ZDHHC13: variants seen among roughly 807,000 people sequenced by gnomAD.
ZDHHC13 encodes the protein palmitoyltransferase ZDHHC13.
Under a neutral mutation model 86.0 loss-of-function variants are expected in ZDHHC13, and 85 were observed. That is an observed-to-expected ratio of 0.99 (90% CI 0.83 to 1.18). ZDHHC13 has a LOEUF of 1.18. Ranked by LOEUF, ZDHHC13 falls within the 50% of genes most tolerant of loss-of-function variation. ZDHHC13 has a pLI of 0.00. For synonymous variants in ZDHHC13, 263 were observed against 246.4 expected (o/e 1.07, Z -0.63); for missense variants, 711 against 730.2 (o/e 0.97, Z 0.30).
chr11:19,173,231 T>A (rs990382284), intron 16 of ZDHHC13, among the ~76,000 whole-genome samples: 3 of 152,206 alleles, frequency 2.0e-5, no homozygotes, highest in Non-Finnish European at 4.4e-5. Flanking sequence ...TCAGCCTGGC[T>A]TTCTATCACC....
At chr11:19,170,204 A>G (rs1850180511) in intron 14 of ZDHHC13, 1 of 1,395,434 alleles carries the variant, frequency 7.2e-7, no homozygotes, top group Non-Finnish European at 9.2e-7. Flanking sequence ...ATACAGTGTT[A>G]TCATAGCCTC....
intron 1 of ZDHHC13, among the ~76,000 whole-genome samples, chr11:19,123,307 T>C (rs1257168269): frequency 1.3e-5 from 2 of 152,106 alleles, no homozygotes; most frequent in Admixed American, 1.3e-4. Flanking sequence ...TGAGTCAGTT[T>C]TCTGTGATGA....
chr11:19,150,583 ACATT>A, intron 5 of ZDHHC13, 140 bp from the exon 6 acceptor site: 1 of 649,984 alleles, frequency 1.5e-6, no homozygotes, highest in Non-Finnish European at 2.5e-6. Flanking sequence ...AGTGAGCAAA[ACATT>A]CTTTTTATCA....
intron 3 of ZDHHC13, 37 bp downstream of exon 3, chr11:19,146,340 A>G (rs1357374733): frequency 6.3e-7 from 1 of 1,588,912 alleles, no homozygotes; most frequent in African/African-American, 1.4e-5. Flanking sequence ...TGTATTTATA[A>G]TTTTAGACCT....
In ZDHHC13 at chr11:19,166,312, C is replaced by T. The variant is rs774077275; in HGVS notation, c.1401C>T (p.Asn467=). The change falls in exon 14 of 17, where the codon AAC becomes AAT. Residue 467 remains asparagine, a synonymous_variant. Transcript: ENST00000446113. Reference sequence around the variant, plus strand: ...TTCTTTTTTCTTGAGGTTTTGGCAACCATCACTATTACATATTCTTCTTGT... The same window carrying T: ...TTCTTTTTTCTTGAGGTTTTGGCAATCATCACTATTACATATTCTTCTTGT... ...LWTGRCIGFG[N]HHYYIFFLFF... is the part of the protein sequence containing the mutation. The T allele has an allele frequency of 1.9e-6, 3 of 1,608,804 alleles. No individual in the cohort carries two copies. Among genetic ancestry groups the T allele is most frequent in the Admixed American group, 1.7e-5 (1 of 59,386 alleles).
chr11:19,174,648 G>A (rs143725438), intron 16 of ZDHHC13, among the ~76,000 whole-genome samples: 307 of 152,366 alleles, frequency 2.0e-3, no homozygotes, highest in Non-Finnish European at 4.0e-3. Context: ...AATAGATAGT[G>A]GTACTTCCGA....
chr11:19,174,247 G>A (rs767943944), intron 16 of ZDHHC13, among the ~76,000 whole-genome samples: 6 of 152,184 alleles, frequency 3.9e-5, no homozygotes, highest in South Asian at 2.1e-4. Flanking sequence ...TCCGCAGAAC[G>A]GCATGCAAGT....
chr11:19,125,320 T>A (rs1848850187), intron 1 of ZDHHC13, among the ~76,000 whole-genome samples: 1 of 152,072 alleles, frequency 6.6e-6, no homozygotes, highest in South Asian at 2.1e-4. Flanking sequence ...ACAAAAGACT[T>A]GAACAGACAC....
intron 1 of ZDHHC13, among the ~76,000 whole-genome samples, chr11:19,132,356 C>T (rs1849020003): frequency 6.6e-6 from 1 of 152,166 alleles, no homozygotes; most frequent in Admixed American, 6.5e-5. Context: ...CCTCTGATAT[C>T]TCCACTGAAT....
chr11:19,145,730 C>T (rs1849445669), intron 2 of ZDHHC13, among the ~76,000 whole-genome samples: 2 of 152,152 alleles, frequency 1.3e-5, no homozygotes, highest in Admixed American at 6.5e-5. Flanking sequence ...TCATTTGTTC[C>T]TCTGCTATAC....
Position 19,126,342 on chromosome 11 carries a change from CTTTTT to C in ZDHHC13, c.27+9074_27+9078del, listed in dbSNP as rs10629803. ...CTTCTTCTTTTTTTCTTTTCTTTTTCTTTTTTTTTTTTGCAGTGGAGTCTTGCTCT... is the reference window on the plus strand; with the variant it reads ...CTTCTTCTTTTTTTCTTTTCTTTTTCTTTTTTTGCAGTGGAGTCTTGCTCT... On this transcript the variant is annotated intron_variant, in intron 1 of 16. Transcript: ENST00000446113. Among the ~76,000 whole-genome samples the C allele has an allele frequency of 5.9e-5, 8 of 135,588 alleles. No homozygotes were observed. In the East Asian group the frequency reaches 6.4e-4, roughly 11 times the overall value. The allele number at this position is 135,588 out of a possible 152,430, so 89.0% of individuals were successfully genotyped here. A position where few individuals can be genotyped will look rare whatever the true frequency, so the allele number is the denominator to read the frequency against.
rs573768210 is a variant in ZDHHC13 at position 19,176,201 on chromosome 11, A to G, written c.*241A>G. ...AAAAAAACCATATTTTTCACAAGAA[A>G]ATGCAAGTTACTTTTTTTGGAAATA... On this transcript the variant is annotated 3_prime_UTR_variant, in exon 17 of 17. Coordinates refer to ENST00000446113, the MANE Select transcript of ZDHHC13 (RefSeq NM_019028.3). The G allele has an allele frequency of 3.0e-4, 103 of 342,418 alleles. No individual in the cohort carries two copies. Among genetic ancestry groups the G allele is most frequent in the African/African-American group, 2.0e-3 (95 of 46,916 alleles). The allele number at this position is 342,418 out of a possible 1,614,324, so 21.2% of individuals were successfully genotyped here.
intron 1 of ZDHHC13, among the ~76,000 whole-genome samples, chr11:19,135,843 C>T (rs1334347901): frequency 1.3e-5 from 2 of 152,182 alleles, no homozygotes; most frequent in Non-Finnish European, 2.9e-5. Context: ...GGTACTCCAA[C>T]AGACCTGCAG....
rs1223465469 is a variant in ZDHHC13, at chr11:19,132,761, G to GTTTTT, written c.28-10213_28-10212insTTTTT. 5.6e-3 allele frequency among the ~76,000 whole-genome samples: 846 copies of GTTTTT among 152,070 alleles called. 7 individuals carry two copies. Among genetic ancestry groups the GTTTTT allele is most frequent in the African/African-American group, 0.019 (799 of 41,406 alleles). On this transcript the variant is annotated intron_variant, in intron 1 of 16. Coordinates refer to ENST00000446113, the MANE Select transcript of ZDHHC13 (RefSeq NM_019028.3). ...GGGGCTCACCTTGTGTATTTGTTTT[G>GTTTTT]TTTTGTTTTTTTCTCATATCTTGGC...
chr11:19,173,091 C>T (rs1158716769), intron 16 of ZDHHC13, among the ~76,000 whole-genome samples: 3 of 152,158 alleles, frequency 2.0e-5, no homozygotes, highest in Admixed American at 6.5e-5. Context: ...TCTCTCCAGT[C>T]AAGCCACATG....
chr11:19,148,706 C>A lies in ZDHHC13; in HGVS notation c.375-481C>A, dbSNP rs1849532465. On this transcript the variant is annotated intron_variant, in intron 4 of 16. Coordinates refer to ENST00000446113, the MANE Select transcript of ZDHHC13 (RefSeq NM_019028.3). ...TCCAGGCCGGGTGCAGTGGCTCATG[C>A]CTGTAATCCCAGCACTTTGGGAGGC... is the stretch of plus-strand genomic sequence containing the variant. 2.0e-5 allele frequency: 3 copies of A among 148,790 alleles called. No homozygotes were observed. The Admixed American group carries it at 2.1e-4, about 10-fold the overall frequency. The allele number at this position is 148,790 out of a possible 1,614,324, so 9.2% of individuals were successfully genotyped here.
intron 1 of ZDHHC13, among the ~76,000 whole-genome samples, chr11:19,137,699 A>T (rs975531868): frequency 6.6e-6 from 1 of 152,264 alleles, no homozygotes; most frequent in Admixed American, 6.5e-5. Context: ...AACAGAAATT[A>T]TAACAAAGTA....
chr11:19,125,203 A>T (rs192765281), intron 1 of ZDHHC13, among the ~76,000 whole-genome samples: 1 of 152,356 alleles, frequency 6.6e-6, no homozygotes, highest in Non-Finnish European at 1.5e-5. Context: ...CCAGGAGAAA[A>T]TATCTGCAAA....
At chr11:19,120,222 A>G (rs1848733811) in intron 1 of ZDHHC13, among the ~76,000 whole-genome samples, 1 of 152,208 alleles carries the variant, frequency 6.6e-6, no homozygotes, top group African/African-American at 2.4e-5. Context: ...TCTGTGTGTC[A>G]GGGACTTGGA....
Sources: gnomAD v4.1 joint callset for allele counts (sites outside exome capture counted in the v4.1 genomes callset) on GRCh38, gnomAD v4.1.1 for gene constraint, MANE v1.5 for transcripts, NCBI Gene and HGNC (gene_info 2026-07-23, HGNC 2026-07-21) for gene names.